GSE1: variants seen among roughly 807,000 people sequenced by gnomAD.
GSE1 encodes Gse1 coiled-coil protein.
Under a neutral mutation model 112.6 loss-of-function variants are expected in GSE1, and 32 were observed. That is an observed-to-expected ratio of 0.28 (90% confidence interval 0.21 to 0.38). The LOEUF (loss-of-function observed/expected upper bound fraction) is 0.38. Among genes scored for constraint, GSE1 ranks in the 10% least tolerant of loss-of-function variants. The pLI, the probability that GSE1 is intolerant of heterozygous loss-of-function variation, is 1.00. For missense variants in GSE1, 2,348 were observed against 1,699.2 expected, an observed-to-expected ratio of 1.38 and a Z score of -6.71; for synonymous variants, 1,115 against 735.6, an observed-to-expected ratio of 1.52 and a Z score of -8.35.
At chr16:85,224,647 G>A (rs116324551) in intron 1 of GSE1, among the ~76,000 whole-genome samples, 1,587 of 152,234 alleles carry the variant, frequency 0.01, 28 homozygotes, top group African/African-American at 0.036. Flanking sequence ...TTCCCCTGCC[G>A]AGCTTACCTT....
intron 2 of GSE1, among the ~76,000 whole-genome samples, chr16:85,471,281 C>A (rs2050287638): frequency 6.6e-6 from 1 of 152,182 alleles, no homozygotes; most frequent in Admixed American, 6.5e-5. Flanking sequence ...GTCCCAATGC[C>A]ACCTTATTTC....
rs1016944905 is a variant in GSE1 at position 85,662,668 on chromosome 16, G to A, written c.2261-313G>A. Reference sequence around the variant, plus strand: ...TGTGCACAAGCAGCCCTGTGTTGCCGTGGACACAGCCCCAGGCCTGTGTGA... The same window carrying A: ...TGTGCACAAGCAGCCCTGTGTTGCCATGGACACAGCCCCAGGCCTGTGTGA... On this transcript the variant is annotated intron_variant, in intron 9 of 15. Transcript: ENST00000253458. 1.8e-5 allele frequency: 6 copies of A among 341,528 alleles called. No homozygotes were observed. The Admixed American group carries it at 1.8e-4, about 10-fold the overall frequency. The allele number at this position is 341,528 out of a possible 1,614,324, so 21.2% of individuals were successfully genotyped here.
intron 1 of GSE1, among the ~76,000 whole-genome samples, chr16:85,568,953 G>A (rs2045870524): frequency 1.3e-5 from 2 of 152,278 alleles, no homozygotes; most frequent in African/African-American, 4.8e-5. Context: ...TGGGAAGGAT[G>A]GAGACCCCTA....
chr16:85,267,009 C>T (rs1034229264), intron 1 of GSE1, among the ~76,000 whole-genome samples: 15 of 152,330 alleles, frequency 9.8e-5, no homozygotes, highest in Non-Finnish European at 1.3e-4. Context: ...CCTTGGGCTC[C>T]GAGACGGCTG....
chr16:85,172,583 G>A (rs1023817039), intron 1 of GSE1, among the ~76,000 whole-genome samples: 3 of 152,256 alleles, frequency 2.0e-5, no homozygotes, highest in East Asian at 3.8e-4. Flanking sequence ...AACTGCCCCC[G>A]GTGGGTCTGG....
At chr16:85,517,771 G>A (rs2052001298) in intron 2 of GSE1, among the ~76,000 whole-genome samples, 1 of 152,236 alleles carries the variant, frequency 6.6e-6, no homozygotes, top group Non-Finnish European at 1.5e-5. Flanking sequence ...TTTTCTAAGG[G>A]AGCCCCGTGC....
intron 1 of GSE1, among the ~76,000 whole-genome samples, chr16:85,588,749 C>G (rs1434375973): frequency 6.6e-6 from 1 of 152,204 alleles, no homozygotes; most frequent in African/African-American, 2.4e-5. Context: ...ACAAGGAGCA[C>G]TTTCCTGGAG....
At chr16:85,354,254 G>C (rs543606106) in intron 1 of GSE1, among the ~76,000 whole-genome samples, 202 of 152,276 alleles carry the variant, frequency 1.3e-3, no homozygotes, top group African/African-American at 4.5e-3. Context: ...TTTGTAAGCT[G>C]TCTGAAGTTA....
intron 2 of GSE1, among the ~76,000 whole-genome samples, chr16:85,538,341 T>C (rs1299842463): frequency 6.6e-6 from 1 of 152,234 alleles, no homozygotes; most frequent in Non-Finnish European, 1.5e-5. Context: ...CTTTTCTCCC[T>C]GGCCTGAGTG....
intron 1 of GSE1, among the ~76,000 whole-genome samples, chr16:85,175,655 G>T (rs768357843): frequency 6.6e-6 from 1 of 152,188 alleles, no homozygotes; most frequent in African/African-American, 2.4e-5. Context: ...GATGGGGAAC[G>T]GCTGTCCCTC....
intron 2 of GSE1, among the ~76,000 whole-genome samples, chr16:85,390,717 C>G (rs1452194647): frequency 6.7e-6 from 1 of 148,232 alleles, no homozygotes; most frequent in Non-Finnish European, 1.5e-5. Flanking sequence ...CCCCACCCCT[C>G]CCCGCCACCG....
rs531681854 is a variant in GSE1 at position 85,236,674 on chromosome 16, T to C, written c.2283+64867T>C. 5.9e-5 allele frequency among the ~76,000 whole-genome samples: 9 copies of C among 152,318 alleles called. No individual in the cohort carries two copies. In the South Asian group the frequency reaches 1.9e-3, roughly 32 times the overall value. ...TTCTTTGGACTTTGTGGTTGAGTCA[T>C]AGGGAGCCATTGAAGGTTCCTGAGC... On this transcript the variant is annotated intron_variant, in intron 1 of 2. Coordinates refer to the GSE1 transcript ENST00000637419.
chr16:85,169,526 T>C, exon 1 of GSE1: 2 of 886,298 alleles, frequency 2.3e-6, no homozygotes, highest in Non-Finnish European at 2.7e-6. Flanking sequence ...GGCGCGGCCA[T>C]GAGCGGGCGG....
intron 2 of GSE1, among the ~76,000 whole-genome samples, chr16:85,421,248 G>A (rs1312354746): frequency 6.7e-6 from 1 of 149,132 alleles, no homozygotes; most frequent in African/African-American, 2.4e-5. Flanking sequence ...TTGGGCCCAA[G>A]ACTGGGGTCC....
upstream of GSE1, chr16:85,611,502 C>A: frequency 1.0e-6 from 1 of 984,432 alleles, no homozygotes; most frequent in African/African-American, 1.7e-5. Context: ...AGCACCCCCG[C>A]GCCGTGCCAG....
chr16:85,509,166 A>G (rs2051646230), intron 2 of GSE1, among the ~76,000 whole-genome samples: 1 of 152,204 alleles, frequency 6.6e-6, no homozygotes, highest in African/African-American at 2.4e-5. Context: ...TGACGGAGAA[A>G]GTGGCCTGCC....
intron 2 of GSE1, among the ~76,000 whole-genome samples, chr16:85,507,343 G>T (rs2051571515): frequency 6.6e-6 from 1 of 152,166 alleles, no homozygotes; most frequent in Non-Finnish European, 1.5e-5. Context: ...ACCCCACAAG[G>T]CCAAACCCCA....
chr16:85,556,123 C>T (rs1200851083), exon 1 of GSE1: 1 of 965,812 alleles, frequency 1.0e-6, no homozygotes. Context: ...GAGAGAGAGC[C>T]TTTTGATCAT....
chr16:85,588,654 A>G (rs879318998), intron 1 of GSE1, among the ~76,000 whole-genome samples: 7 of 152,216 alleles, frequency 4.6e-5, no homozygotes, highest in Admixed American at 3.9e-4. Context: ...ATTATCAGGA[A>G]TATTTCTGTA....
Sources: gnomAD v4.1 joint callset for allele counts (sites outside exome capture counted in the v4.1 genomes callset) on GRCh38, gnomAD v4.1.1 for gene constraint, MANE v1.5 for transcripts, NCBI Gene and HGNC (gene_info 2026-07-23, HGNC 2026-07-21) for gene names.